PABIR3: variants seen among roughly 807,000 people sequenced by gnomAD.
PABIR3 encodes the protein PABIR family member 3.
Under a neutral mutation model 23.1 loss-of-function variants are expected in PABIR3, and 20 were observed. That is an observed-to-expected ratio of 0.86 (90% CI 0.61 to 1.26). The LOEUF (loss-of-function observed/expected upper bound fraction) is 1.26, where lower values mean the gene tolerates loss of function less well. PABIR3 is among the 50% of genes most tolerant of loss of function. The probability of loss-of-function intolerance (pLI) is 0.00; values close to 1 mark genes in which losing one functional copy is unlikely to be tolerated. For synonymous variants in PABIR3, 69 were observed against 68.5 expected (o/e 1.01, Z -0.04); for missense variants, 189 against 195.4 (o/e 0.97, Z 0.20).
chrX:134,827,860 T>C (rs777980125), intron 3 of PABIR3, among the ~76,000 whole-genome samples: 1 of 109,442 alleles, frequency 9.1e-6, no homozygotes, highest in East Asian at 2.9e-4. Context: ...GAGTTCTCTG[T>C]CCTTTGAACT....
intron 4 of PABIR3, among the ~76,000 whole-genome samples, chrX:134,830,812 G>C (rs2081747857): frequency 9.0e-6 from 1 of 111,362 alleles, no homozygotes; most frequent in South Asian, 3.7e-4. Flanking sequence ...TGGGTTATGT[G>C]TTGCTATTTG....
chrX:134,843,591 G>A (rs111460876), intron 4 of PABIR3, among the ~76,000 whole-genome samples: 958 of 93,182 alleles, frequency 0.01, 18 homozygotes, highest in African/African-American at 0.038. Context: ...TTTTTGAGAC[G>A]GAGTCTCGCT....
intron 2 of PABIR3, chrX:134,809,424 C>T: frequency 1.1e-5 from 7 of 664,501 alleles, no homozygotes; most frequent in Non-Finnish European, 1.1e-5. Flanking sequence ...CTTGGCCTCC[C>T]AAAGTGTTGG....
chrX:134,846,957 A>G (rs957646079), intron 6 of PABIR3, among the ~76,000 whole-genome samples: 1 of 112,396 alleles, frequency 8.9e-6, no homozygotes, highest in Non-Finnish European at 1.9e-5. Flanking sequence ...TCTAGAGACA[A>G]TTTCCATAAA....
At chrX:134,820,979 G>A (rs767997741) in intron 3 of PABIR3, among the ~76,000 whole-genome samples, 5 of 106,183 alleles carry the variant, frequency 4.7e-5, no homozygotes, top group South Asian at 4.2e-4. Flanking sequence ...CTGAGATCCC[G>A]CCACTGCACT....
At chrX:134,835,900 T>A (rs991246212) in intron 4 of PABIR3, 1 of 112,009 alleles carries the variant, frequency 8.9e-6, no homozygotes, top group Non-Finnish European at 1.9e-5. Flanking sequence ...TGCAGTGGCA[T>A]GATCTCGGCT....
chrX:134,821,324 C>T (rs1362402248), intron 3 of PABIR3: 2 of 1,143,470 alleles, frequency 1.7e-6, no homozygotes, highest in Admixed American at 5.3e-5. Context: ...TCACTTCTCT[C>T]AGGAAATTAC....
downstream of PABIR3, among the ~76,000 whole-genome samples, chrX:134,858,027 A>G (rs1349477406): frequency 1.8e-5 from 2 of 111,679 alleles, no homozygotes; most frequent in East Asian, 5.6e-4. Flanking sequence ...CTATCATAAC[A>G]TGACTATAGA....
intron 3 of PABIR3, among the ~76,000 whole-genome samples, chrX:134,818,226 G>C (rs2081084764): frequency 8.9e-6 from 1 of 111,998 alleles, no homozygotes; most frequent in Non-Finnish European, 1.9e-5. Context: ...CGATGTACTA[G>C]TTTGAAGCTC....
At chrX:134,859,386 TTCCTC>T (rs1320011165), downstream of PABIR3, among the ~76,000 whole-genome samples, 1 of 111,779 alleles carries the variant, frequency 8.9e-6, no homozygotes, top group Admixed American at 9.6e-5. Flanking sequence ...CATCAATAGT[TTCCTC>T]TCTTTTCTGA....
At chrX:134,803,216 AGCTGGAGGGG>A (rs1306993657), upstream of PABIR3, among the ~76,000 whole-genome samples, 1 of 111,789 alleles carries the variant, frequency 8.9e-6, no homozygotes, top group Non-Finnish European at 1.9e-5. Context: ...GGCTGGAGGG[AGCTGGAGGGG>A]GCTGCATGTG....
In PABIR3 at chrX:134,808,300, A is replaced by G. The variant is rs112729288; in HGVS notation, c.110+592A>G. ...CGCCTCCTGGCTTCAAGCAATTCTC[A>G]TGCCTCAGCCTCCCTAGTAGCTAGG... is the stretch of plus-strand genomic sequence containing the variant. On this transcript the variant is annotated intron_variant, in intron 2 of 10. Transcript: ENST00000645433. 2,700 of 279,130 alleles carry G rather than the reference A, an allele frequency of 9.7e-3. 63 individuals are homozygous for G. Among genetic ancestry groups the G allele is most frequent in the African/African-American group, 0.074 (2,469 of 33,357 alleles). 23.0% of individuals were successfully genotyped at this position (279,130 alleles called of 1,213,427 possible). A position where few individuals can be genotyped will look rare whatever the true frequency, so the allele number is the denominator to read the frequency against.
intron 2 of PABIR3, chrX:134,810,523 G>A (rs1159703642): frequency 1.7e-5 from 13 of 753,798 alleles, no homozygotes; most frequent in Non-Finnish European, 2.0e-5. Context: ...TGAGATTAGG[G>A]GACTTGCCCA....
intron 4 of PABIR3, among the ~76,000 whole-genome samples, chrX:134,833,686 G>A (rs2081885591): frequency 9.1e-6 from 1 of 109,928 alleles, no homozygotes; most frequent in Admixed American, 9.8e-5. Flanking sequence ...CCCCGCAACA[G>A]GCCCTGATGT....
intron 3 of PABIR3, among the ~76,000 whole-genome samples, chrX:134,820,177 A>C (rs2081194642): frequency 8.9e-6 from 1 of 111,764 alleles, no homozygotes; most frequent in African/African-American, 3.2e-5. Flanking sequence ...AAGGATATCT[A>C]TCAACCTATC....
intron 4 of PABIR3, among the ~76,000 whole-genome samples, chrX:134,841,132 T>G: frequency 9.1e-6 from 1 of 109,385 alleles, no homozygotes; most frequent in Non-Finnish European, 1.9e-5. Flanking sequence ...CGGCTAATTT[T>G]TTTTTTTCTT....
chrX:134,820,011 G>T (rs2081188603), intron 3 of PABIR3, among the ~76,000 whole-genome samples: 1 of 111,747 alleles, frequency 8.9e-6, no homozygotes, highest in Non-Finnish European at 1.9e-5. Context: ...GGCCGGGTTA[G>T]TTCAGTGGGC....
At chrX:134,840,994 T>G (rs1233797811) in intron 4 of PABIR3, among the ~76,000 whole-genome samples, 4 of 110,835 alleles carry the variant, frequency 3.6e-5, no homozygotes, top group African/African-American at 1.3e-4. Context: ...GGGTCTCATA[T>G]TGTTGCCAGG....
intron 3 of PABIR3, among the ~76,000 whole-genome samples, chrX:134,823,559 G>GTACATATA: frequency 9.0e-6 from 1 of 111,459 alleles, no homozygotes; most frequent in South Asian, 3.7e-4. Flanking sequence ...TGTATTCTAT[G>GTACATATA]TACATATATA....
Sources: allele counts gnomAD v4.1 joint callset (sites outside exome capture counted in the v4.1 genomes callset), GRCh38; gene constraint gnomAD v4.1.1; transcripts MANE v1.5; gene names NCBI Gene and HGNC (gene_info 2026-07-23, HGNC 2026-07-21).